The following BRAF variants were observed in gnomAD, a reference collection of about 807,000 sequenced individuals.
The protein encoded by BRAF is B-Raf proto-oncogene, serine/threonine kinase, also known as serine/threonine-protein kinase B-raf.
BRAF carries 16 observed loss-of-function variants against 104.6 expected under a neutral mutation model. The ratio of observed to expected loss-of-function variants is 0.15; its 90% CI spans 0.10 to 0.23. The LOEUF is 0.23. Ranked by LOEUF, BRAF falls within the 10% of genes least tolerant of loss-of-function variation. The probability of loss-of-function intolerance (pLI) is 1.00; values close to 1 mark genes in which losing one functional copy is unlikely to be tolerated. For synonymous variants in BRAF, 310 were observed against 341.6 expected (o/e 0.91, Z 1.02); for missense variants, 541 against 937.3 (o/e 0.58, Z 5.52).
intron 3 of BRAF, among the ~76,000 whole-genome samples, chr7:140,825,040 G>A (rs1259322220): frequency 6.7e-6 from 1 of 149,680 alleles, no homozygotes; most frequent in Middle Eastern, 3.4e-3. Flanking sequence ...GCGCAATCTC[G>A]GCTCACTGCA....
intron 5 of BRAF, among the ~76,000 whole-genome samples, chr7:140,803,712 G>A (rs1803363723): frequency 6.6e-6 from 1 of 152,142 alleles, no homozygotes; most frequent in African/African-American, 2.4e-5. Flanking sequence ...TGTAGAACAT[G>A]AGTCACGTAA....
intron 3 of BRAF, among the ~76,000 whole-genome samples, chr7:140,828,023 A>T (rs1262836230): frequency 6.6e-6 from 1 of 151,948 alleles, no homozygotes; most frequent in East Asian, 1.9e-4. Flanking sequence ...CAGCCTCCCA[A>T]ATAGCTGGGT....
chr7:140,752,390 T>G (rs1308734558), intron 16 of BRAF, among the ~76,000 whole-genome samples: 2 of 152,190 alleles, frequency 1.3e-5, no homozygotes, highest in Non-Finnish European at 2.9e-5. Flanking sequence ...TATTTGCTTT[T>G]GCACTCAGTC....
Position 140,800,433 on chromosome 7 carries a change from T to C in BRAF, c.909A>G (p.Glu303=). The C allele has an allele frequency of 6.2e-7, 1 of 1,614,166 alleles. No homozygotes were observed. The highest frequency in any genetic ancestry group is 1.1e-5 in the South Asian group (1 of 91,086). The change falls in exon 7 of 20, where the codon GAA becomes GAG. Residue 303 remains glutamate (E), a synonymous_variant. Coordinates refer to ENST00000644969, the MANE Select transcript of BRAF (RefSeq NM_001374258.1). ...KFFEHHPIPQ[E]EASLAETALT... ...GGGCAGTCTCTGCTAAGGACGCCTC[T>C]TCCTGTGGTATTGGGTGGTGTTCAA...
At chr7:140,774,049 A>T (rs577223349) in intron 14 of BRAF, among the ~76,000 whole-genome samples, 19 of 152,348 alleles carry the variant, frequency 1.2e-4, no homozygotes, top group Non-Finnish European at 2.1e-4. Context: ...TCCTTCAGAA[A>T]CTGAAGATGT....
In BRAF at chr7:140,732,961, G is replaced by C. The variant is rs71646002; in HGVS notation, c.2401+1656C>G. On this transcript the variant is annotated intron_variant, in intron 19 of 19. Transcript: ENST00000644969. ...AATAATCATATATTTAATGCCACTG[G>C]AGGATTTAAAAATCATATACTTAGA... 1.6e-3 allele frequency: 250 copies of C among 152,190 alleles called. 1 individual carries two copies. The highest frequency in any genetic ancestry group is 5.8e-3 in the African/African-American group (242 of 41,528). 9.4% of individuals were successfully genotyped at this position (152,190 alleles called of 1,614,324 possible).
At chr7:140,914,692 G>A (rs1425401489) in intron 1 of BRAF, among the ~76,000 whole-genome samples, 3 of 151,658 alleles carry the variant, frequency 2.0e-5, no homozygotes, top group Admixed American at 1.3e-4. Flanking sequence ...TTTTATGATG[G>A]GAATTAAGTC....
At chr7:140,788,308 T>C (rs1294974885) in intron 8 of BRAF, among the ~76,000 whole-genome samples, 3 of 152,186 alleles carry the variant, frequency 2.0e-5, no homozygotes, top group South Asian at 2.1e-4. Flanking sequence ...TGCACAAAGA[T>C]GTTTAGTGCA....
At chr7:140,734,261 A>T in intron 19 of BRAF, 1 of 1,221,980 alleles carries the variant, frequency 8.2e-7, no homozygotes, top group Non-Finnish European at 1.0e-6. Context: ...TGGACATGTG[A>T]TAGCTGGCAA....
chr7:140,842,406 A>C (rs1358694512), intron 2 of BRAF, among the ~76,000 whole-genome samples: 7 of 152,200 alleles, frequency 4.6e-5, no homozygotes, highest in Non-Finnish European at 8.8e-5. Context: ...ATACTCAGTA[A>C]ATGTCAGGAG....
intron 8 of BRAF, among the ~76,000 whole-genome samples, chr7:140,788,790 T>C (rs1057137799): frequency 4.6e-5 from 7 of 151,760 alleles, no homozygotes; most frequent in African/African-American, 1.5e-4. Flanking sequence ...GGTTTCACCA[T>C]GTTGGCCAGG....
At chr7:140,716,948 G>T (rs1795141217), downstream of BRAF, among the ~76,000 whole-genome samples, 1 of 152,136 alleles carries the variant, frequency 6.6e-6, no homozygotes, top group African/African-American at 2.4e-5. Context: ...GCAGTGTCAG[G>T]GAAATGGGAG....
chr7:140,794,246 T>C (rs1288369030), intron 8 of BRAF, 62 bp downstream of exon 8: 7 of 1,573,446 alleles, frequency 4.4e-6, no homozygotes, highest in Non-Finnish European at 6.1e-6. Flanking sequence ...GTTATAATTA[T>C]AGCAGAAAAA....
chr7:140,808,167 G>A, intron 4 of BRAF, 105 bp from the exon 5 acceptor site: 1 of 869,090 alleles, frequency 1.2e-6, no homozygotes, highest in Non-Finnish European at 1.9e-6. Flanking sequence ...TAGTAACAGT[G>A]AGGGAGGTTT....
chr7:140,765,702 C>T (rs1410230152), intron 14 of BRAF, among the ~76,000 whole-genome samples: 1 of 152,122 alleles, frequency 6.6e-6, no homozygotes, highest in Non-Finnish European at 1.5e-5. Context: ...TGAAAAAATG[C>T]TCATCATCAC....
intron 1 of BRAF, among the ~76,000 whole-genome samples, chr7:140,870,198 C>T (rs1201252713): frequency 6.6e-6 from 1 of 152,078 alleles, no homozygotes; most frequent in Admixed American, 6.5e-5. Context: ...AAATTACAAA[C>T]CTGTCATAAG....
chr7:140,867,043 C>T (rs1006253584), intron 1 of BRAF, among the ~76,000 whole-genome samples: 4 of 152,024 alleles, frequency 2.6e-5, no homozygotes, highest in African/African-American at 7.3e-5. Context: ...CTTTCAATTC[C>T]ATTTTCCCTG....
chr7:140,728,229 T>C (rs1795724788), intron 19 of BRAF, among the ~76,000 whole-genome samples: 1 of 152,106 alleles, frequency 6.6e-6, no homozygotes, highest in Non-Finnish European at 1.5e-5. Flanking sequence ...CTATATTATA[T>C]AGATGAGGAA....
At chr7:140,753,227 T>C (rs759260016) in intron 16 of BRAF, 48 bp downstream of exon 15, 41 of 1,407,152 alleles carry the variant, frequency 2.9e-5, no homozygotes, top group Non-Finnish European at 4.0e-5. Flanking sequence ...CTCAGCAGCA[T>C]CTCAGGGCCA....
Sources: gnomAD v4.1 joint callset for allele counts (sites outside exome capture counted in the v4.1 genomes callset) on GRCh38, gnomAD v4.1.1 for gene constraint, MANE v1.5 for transcripts, NCBI Gene and HGNC (gene_info 2026-07-23, HGNC 2026-07-21) for gene names.